GAS6: variants seen among roughly 807,000 people sequenced by gnomAD.
The protein encoded by GAS6 is growth arrest specific 6, also known as growth arrest-specific protein 6.
GAS6 carries 41 observed loss-of-function variants against 75.8 expected under a neutral mutation model. That is an observed-to-expected ratio of 0.54 (90% CI 0.42 to 0.70). The LOEUF is 0.70. GAS6 is among the 30% of genes least tolerant of loss of function. The pLI, the probability that GAS6 is intolerant of heterozygous loss-of-function variation, is 0.00. For missense variants in GAS6, 854 were observed against 940.2 expected, an observed-to-expected ratio of 0.91 and a Z score of 1.20; for synonymous variants, 432 against 412.6, an observed-to-expected ratio of 1.05 and a Z score of -0.57.
intron 7 of GAS6, 31 bp downstream of exon 7, chr13:113,835,482 G>A (rs762458491): frequency 1.2e-6 from 2 of 1,607,146 alleles, no homozygotes; most frequent in Admixed American, 3.4e-5. Flanking sequence ...GGGCGTCAGA[G>A]AAAGCGAGGG....
intron 7 of GAS6, among the ~76,000 whole-genome samples, chr13:113,835,143 T>C (rs894848942): frequency 6.6e-6 from 1 of 152,258 alleles, no homozygotes; most frequent in Admixed American, 6.5e-5. Flanking sequence ...TTAGAGGCTC[T>C]ACGGCCAACA....
chr13:113,834,360 ACT>A (rs1288231000), intron 8 of GAS6, among the ~76,000 whole-genome samples, 189 bp downstream of exon 8: 1 of 151,988 alleles, frequency 6.6e-6, no homozygotes, highest in African/African-American at 2.4e-5. Context: ...TGCCATAGAG[ACT>A]CTATAAATAC....
rs2051553496 is a variant in GAS6 at position 113,826,731 on chromosome 13, G to A, written c.1477+265C>T. On this transcript the variant is annotated intron_variant, in intron 12 of 14. Coordinates refer to ENST00000327773, the MANE Select transcript of GAS6 (RefSeq NM_000820.4). Reference sequence around the variant, plus strand: ...GGCACCTTCTCTCCCCGGCCTCCTGGCACTGGCTTCGCAGGCACCTTCTCG... The same window carrying A: ...GGCACCTTCTCTCCCCGGCCTCCTGACACTGGCTTCGCAGGCACCTTCTCG... Among the ~76,000 whole-genome samples, 3 of 151,660 alleles carry A rather than the reference G, an allele frequency of 2.0e-5. 1 individual carries two copies. In the South Asian group the frequency reaches 6.2e-4, roughly 32 times the overall value.
intron 8 of GAS6, chr13:113,833,247 C>G: frequency 9.5e-7 from 1 of 1,052,482 alleles, no homozygotes; most frequent in Non-Finnish European, 1.1e-6. Flanking sequence ...CCTGCCCTGC[C>G]CACCGTGGGC....
intron 4 of GAS6, chr13:113,840,753 T>C (rs1054512823): frequency 6.6e-6 from 1 of 152,238 alleles, no homozygotes; most frequent in African/African-American, 2.4e-5. Context: ...GGGCTGAGCA[T>C]GGCAGTGCTC....
chr13:113,823,045 A>C (rs1594186679), intron 13 of GAS6: 1 of 238,254 alleles, frequency 4.2e-6, no homozygotes, highest in Non-Finnish European at 8.1e-6. Flanking sequence ...TTTGTTGCTG[A>C]AATCATCTGA....
In GAS6 at chr13:113,828,388, G is replaced by A. The variant is rs142744112; in HGVS notation, c.1308+159C>T. Among the ~76,000 whole-genome samples the A allele has an allele frequency of 2.8e-3, 427 of 152,222 alleles. 2 individuals are homozygous for A. Among genetic ancestry groups the A allele is most frequent in the African/African-American group, 9.6e-3 (398 of 41,534 alleles). On this transcript the variant is annotated intron_variant, in intron 11 of 14. Coordinates refer to ENST00000327773, the MANE Select transcript of GAS6 (RefSeq NM_000820.4). ...GGTAAAATTAATGACATAGCTGTACGGCGACTTTGTCAAACTCTAGGAAAC... is the reference window on the plus strand; with the variant it reads ...GGTAAAATTAATGACATAGCTGTACAGCGACTTTGTCAAACTCTAGGAAAC...
At chr13:113,825,977 G>A (rs2051532260) in intron 12 of GAS6, among the ~76,000 whole-genome samples, 1 of 152,212 alleles carries the variant, frequency 6.6e-6, no homozygotes, top group African/African-American at 2.4e-5. Context: ...GTGCGTGTGG[G>A]GGCTTCACCA....
At chr13:113,838,938 C>A in intron 5 of GAS6, 1 of 185,450 alleles carries the variant, frequency 5.4e-6, no homozygotes, top group Non-Finnish European at 1.1e-5. Context: ...GCAGCCCTAG[C>A]GTTTCATGGC....
Position 113,863,195 on chromosome 13 carries a change from C to A in GAS6, c.255+380G>T, listed in dbSNP as rs996937869. On this transcript the variant is annotated intron_variant, in intron 2 of 14. Transcript: ENST00000327773. This position sits in a 1 kb window ranked among gnomAD's most constrained non-coding sequence, Gnocchi z 9.4. ...TCTTTCGGGAGGGGACTGCTCTCCACCCCTCTCAGGAGGACGAGGCGCGGC... is the reference window on the plus strand; with the variant it reads ...TCTTTCGGGAGGGGACTGCTCTCCAACCCTCTCAGGAGGACGAGGCGCGGC... Among the ~76,000 whole-genome samples the A allele has an allele frequency of 6.6e-6, 1 of 152,244 alleles. No individual in the cohort carries two copies. Among genetic ancestry groups the A allele is most frequent in the South Asian group, 2.1e-4 (1 of 4,838 alleles).
chr13:113,839,459 A>C, intron 5 of GAS6: 1 of 396,536 alleles, frequency 2.5e-6, no homozygotes, highest in Non-Finnish European at 4.5e-6. Flanking sequence ...AAGGACGGTC[A>C]GAGGTGAAAT....
intron 12 of GAS6, among the ~76,000 whole-genome samples, chr13:113,826,369 G>C (rs1270398183): frequency 1.3e-5 from 2 of 149,246 alleles, no homozygotes; most frequent in African/African-American, 5.0e-5. Context: ...GACCCTGTAA[G>C]GCTCCCAGCC....
chr13:113,832,467 G>C lies in GAS6; in HGVS notation c.975C>G (p.Phe325Leu). The stretch of plus-strand genomic sequence containing the variant: ...GGATGCCCTCGGGGTCAAAGGTCCG[G>C]AAGTCAAACTCAGCTACCAGCCTGG... Reference protein sequence around the residue: ...QPTRLVAEFDFRTFDPEGILL... With the variant: ...QPTRLVAEFDLRTFDPEGILL... The change falls in exon 10 of 15, where the codon TTC (phenylalanine) becomes TTG (leucine). Residue 325 changes from phenylalanine (F) to leucine (L), a missense_variant. Phe to Leu is a conservative substitution (Grantham distance 22). Transcript: ENST00000327773. The C allele has an allele frequency of 6.2e-7, 1 of 1,602,970 alleles. No homozygotes were observed. Among genetic ancestry groups the C allele is most frequent in the Non-Finnish European group, 8.5e-7 (1 of 1,172,864 alleles).
chr13:113,858,976 CTA>C (rs2051943988), intron 2 of GAS6, among the ~76,000 whole-genome samples: 1 of 144,720 alleles, frequency 6.9e-6, no homozygotes, highest in South Asian at 2.3e-4. Flanking sequence ...GACTGTATGT[CTA>C]TATGAATGTG....
rs541481996 is a variant in GAS6 at position 113,863,546 on chromosome 13, C to A, written c.255+29G>T. The A allele has an allele frequency of 2.7e-6, 4 of 1,492,832 alleles. No individual in the cohort carries two copies. In the South Asian group the frequency reaches 5.0e-5, roughly 19 times the overall value. 92.5% of individuals were successfully genotyped at this position (1,492,832 alleles called of 1,614,324 possible). A position where few individuals can be genotyped will look rare whatever the true frequency, so the allele number is the denominator to read the frequency against. ...TGGAGGCGCGCGGGCGCCAGGGGTT[C>A]CCCCGCATCCCGCCCGCCGGCTGCT... On this transcript the variant is annotated intron_variant, in intron 2 of 14. Transcript: ENST00000327773. The surrounding 1 kb of genome is among the most constrained non-coding windows in gnomAD (Gnocchi z 9.4).
At chr13:113,854,820 A>G (rs1283831133) in intron 2 of GAS6, among the ~76,000 whole-genome samples, 1 of 152,202 alleles carries the variant, frequency 6.6e-6, no homozygotes, top group Non-Finnish European at 1.5e-5. Context: ...AAGAAACACT[A>G]CAAGGAGAGA....
chr13:113,823,456 C>G lies in GAS6; in HGVS notation c.1572G>C (p.Ala524=), dbSNP rs548946951. 1 of 1,612,740 alleles carries G rather than the reference C, an allele frequency of 6.2e-7. No individual in the cohort carries two copies. The highest frequency in any genetic ancestry group is 1.1e-5 in the South Asian group (1 of 91,046). Residue 524 remains alanine (A), a synonymous_variant, in exon 13 of 15, where the codon GCG becomes GCC. Transcript: ENST00000327773. ...RPAADTGVLF[A]LWAPDLRAVP... is the part of the protein sequence containing the mutation. ...CGGCACGGAGGTCGGGGGCCCAGAG[C>G]GCAAACAGCACGCCTGTGTCTGCGG...
Position 113,835,197 on chromosome 13 carries a change from G to A in GAS6, c.712+316C>T, listed in dbSNP as rs189971370. On this transcript the variant is annotated intron_variant, in intron 7 of 14. Transcript: ENST00000327773. ...CTGGAAAGAGAGAACAGTAGAGGGA[G>A]GCTTGCTGCTCCCCGTCCCTTTGGG... is the stretch of plus-strand genomic sequence containing the variant. Among the ~76,000 whole-genome samples, 3 of 152,384 alleles carry A rather than the reference G, an allele frequency of 2.0e-5. No homozygotes were observed. In the East Asian group the frequency reaches 5.8e-4, roughly 29 times the overall value.
In GAS6 at chr13:113,842,727, C is replaced by A; in HGVS notation, c.344-2877G>T. The A allele has an allele frequency of 7.6e-6, 3 of 397,112 alleles. 1 individual carries two copies. In the South Asian group the frequency reaches 3.8e-4, roughly 50 times the overall value. The allele number at this position is 397,112 out of a possible 1,614,324, so 24.6% of individuals were successfully genotyped here. A position where few individuals can be genotyped will look rare whatever the true frequency, so the allele number is the denominator to read the frequency against. ...AACCTGACCTCCTCAGAGGCCCCCA[C>A]CATGGAGGGATGTCTGGGGGATGCT... On this transcript the variant is annotated intron_variant, in intron 4 of 14. Transcript: ENST00000327773.
Sources: gnomAD v4.1 joint callset for allele counts (sites outside exome capture counted in the v4.1 genomes callset) on GRCh38, gnomAD v4.1.1 for gene constraint, Gnocchi (gnomAD v3.1) non-coding constraint, MANE v1.5 for transcripts, NCBI Gene and HGNC (gene_info 2026-07-23, HGNC 2026-07-21) for gene names.